The following ZFAND3 variants were observed in gnomAD, a reference collection of about 807,000 sequenced individuals.
ZFAND3 encodes the protein AN1-type zinc finger protein 3.
In ZFAND3, 10 loss-of-function variants were observed where a neutral mutation model predicts 29.6. The ratio of observed to expected loss-of-function variants is 0.34; its 90% CI spans 0.21 to 0.57. The LOEUF (loss-of-function observed/expected upper bound fraction) is 0.57, where lower values mean the gene tolerates loss of function less well. Ranked by LOEUF, ZFAND3 falls within the 20% of genes least tolerant of loss-of-function variation. ZFAND3 has a pLI of 0.86. For synonymous variants in ZFAND3, 128 were observed against 112.6 expected (o/e 1.14, Z -0.87); for missense variants, 230 against 304.5 (o/e 0.76, Z 1.82).
chr6:37,835,540 T>C (rs992077180), intron 1 of ZFAND3, among the ~76,000 whole-genome samples: 3 of 151,900 alleles, frequency 2.0e-5, no homozygotes, highest in Non-Finnish European at 4.4e-5. Flanking sequence ...TGTATGGTTT[T>C]GTATTATTTT....
intron 1 of ZFAND3, among the ~76,000 whole-genome samples, chr6:37,866,022 T>TCAC (rs748639215): frequency 6.6e-6 from 1 of 152,146 alleles, no homozygotes; most frequent in Non-Finnish European, 1.5e-5. Flanking sequence ...GATGGAGGTC[T>TCAC]CACTATATTG....
intron 5 of ZFAND3, among the ~76,000 whole-genome samples, chr6:38,144,282 T>C (rs1263359592): frequency 6.7e-6 from 1 of 149,534 alleles, no homozygotes; most frequent in East Asian, 2.0e-4. Context: ...GGGTCGGGGA[T>C]ATTTGTCATT....
intron 1 of ZFAND3, among the ~76,000 whole-genome samples, chr6:37,902,160 G>A: frequency 6.6e-6 from 1 of 152,084 alleles, no homozygotes; most frequent in Non-Finnish European, 1.5e-5. Flanking sequence ...GAATATAATA[G>A]CATTATGGCC....
At chr6:38,048,003 T>G (rs558991678) in intron 2 of ZFAND3, among the ~76,000 whole-genome samples, 29 of 151,328 alleles carry the variant, frequency 1.9e-4, no homozygotes, top group South Asian at 6.3e-4. Flanking sequence ...TTGTGTGTGT[T>G]TGTTTATTTA....
At position 37,828,094 on chromosome 6, in the gene ZFAND3, C is replaced by T. The variant is rs997733417; in HGVS notation, c.71+8078C>T. ...TATCTGCTTCTTGGACTCTTACACA[C>T]TGATAAGTTGAAGTGCAGTTGCATA... On this transcript the variant is annotated intron_variant, in intron 1 of 5. Coordinates refer to ENST00000287218, the MANE Select transcript of ZFAND3 (RefSeq NM_021943.3). Among the ~76,000 whole-genome samples the T allele has an allele frequency of 3.9e-5, 6 of 152,196 alleles. No homozygotes were observed. The East Asian group carries it at 9.6e-4, about 24-fold the overall frequency.
chr6:38,056,426 A>C (rs1202292358), intron 2 of ZFAND3, among the ~76,000 whole-genome samples: 1 of 152,234 alleles, frequency 6.6e-6, no homozygotes, highest in African/African-American at 2.4e-5. Flanking sequence ...AAGACGTATT[A>C]TTGTAATAAT....
chr6:37,950,107 A>G (rs1005528847), intron 2 of ZFAND3, among the ~76,000 whole-genome samples: 5 of 152,282 alleles, frequency 3.3e-5, no homozygotes, highest in Admixed American at 3.3e-4. Flanking sequence ...TTTGATGTGC[A>G]GTCTGTTGAT....
intron 2 of ZFAND3, chr6:38,003,673 G>GTTTT (rs146304338): frequency 1.4e-4 from 39 of 280,822 alleles, no homozygotes; most frequent in South Asian, 1.9e-4. Flanking sequence ...TAATTTTTGT[G>GTTTT]TTTTTTTTTT....
At chr6:38,017,486 C>T (rs139271514) in intron 2 of ZFAND3, among the ~76,000 whole-genome samples, 191 of 152,324 alleles carry the variant, frequency 1.3e-3, no homozygotes, top group South Asian at 4.1e-3. Flanking sequence ...AAATCTTGAT[C>T]TGCTTAGTTC....
intron 5 of ZFAND3, among the ~76,000 whole-genome samples, chr6:38,135,194 C>T (rs1296293722): frequency 6.6e-6 from 1 of 152,166 alleles, no homozygotes; most frequent in Non-Finnish European, 1.5e-5. Flanking sequence ...TGAGAGGTGA[C>T]ACTCTTAACT....
chr6:38,038,711 T>G (rs1479234735), intron 2 of ZFAND3, among the ~76,000 whole-genome samples: 2 of 152,182 alleles, frequency 1.3e-5, no homozygotes, highest in Admixed American at 6.5e-5. Context: ...ACCTCTACCT[T>G]TTCATGGTCA....
Position 37,857,471 on chromosome 6 carries a change from AT to A in ZFAND3, c.71+37457del, listed in dbSNP as rs551772084. 2.3e-4 allele frequency among the ~76,000 whole-genome samples: 35 copies of A among 152,292 alleles called. No homozygotes were observed. The East Asian group carries it at 6.6e-3, about 29-fold the overall frequency. On this transcript the variant is annotated intron_variant, in intron 1 of 5. Transcript: ENST00000287218. Reference sequence around the variant, plus strand: ...GTATCTATTTTTAAAGAAAAAAAAAATTAGAGGCCCAGCAAATTTCAAATAC... The same window carrying A: ...GTATCTATTTTTAAAGAAAAAAAAAATAGAGGCCCAGCAAATTTCAAATAC...
chr6:38,069,251 A>T (rs188050329), intron 3 of ZFAND3, among the ~76,000 whole-genome samples: 363 of 152,348 alleles, frequency 2.4e-3, no homozygotes, highest in Middle Eastern at 0.024. Flanking sequence ...AGCATTTAGA[A>T]AATATTGCCT....
chr6:38,066,604 G>A (rs750294733), intron 3 of ZFAND3, among the ~76,000 whole-genome samples: 19 of 152,132 alleles, frequency 1.2e-4, no homozygotes, highest in Non-Finnish European at 2.6e-4. Context: ...TTTGTTTGGG[G>A]CTTGTGGAAG....
At chr6:38,133,911 C>T (rs1765791738) in intron 5 of ZFAND3, among the ~76,000 whole-genome samples, 1 of 152,092 alleles carries the variant, frequency 6.6e-6, no homozygotes, top group Non-Finnish European at 1.5e-5. Context: ...CCAAGCTGGC[C>T]CATGGGGTCC....
At position 38,153,285 on chromosome 6, in the gene ZFAND3, C is replaced by T; in HGVS notation, c.*896C>T. The T allele has an allele frequency of 2.0e-6, 2 of 985,512 alleles. No individual in the cohort carries two copies. The highest frequency in any genetic ancestry group is 2.4e-6 in the Non-Finnish European group (2 of 829,966). The allele number at this position is 985,512 out of a possible 1,614,324, so 61.0% of individuals were successfully genotyped here. The stretch of plus-strand genomic sequence containing the variant: ...TTGGGAGTTTTTTAAAAAGACATTT[C>T]ATAGCCAACAAGAATCAGTAGAAGT... On this transcript the variant is annotated 3_prime_UTR_variant, in exon 6 of 6. Transcript: ENST00000287218.
At chr6:37,869,288 C>T (rs1168642153) in intron 1 of ZFAND3, among the ~76,000 whole-genome samples, 3 of 152,010 alleles carry the variant, frequency 2.0e-5, no homozygotes, top group East Asian at 1.9e-4. Flanking sequence ...CTCAGCCTCC[C>T]GAGTAGCTGG....
intron 2 of ZFAND3, among the ~76,000 whole-genome samples, chr6:37,974,900 C>G (rs1484560042): frequency 6.6e-6 from 1 of 152,188 alleles, no homozygotes. Flanking sequence ...CCTCCTACCT[C>G]AGCCTCCCAA....
intron 4 of ZFAND3, among the ~76,000 whole-genome samples, chr6:38,114,367 T>C (rs749558609): frequency 1.4e-4 from 21 of 152,232 alleles, no homozygotes; most frequent in South Asian, 6.2e-4. Flanking sequence ...TTGTTGCTCT[T>C]GTAGAAGAAG....
Sources: allele counts gnomAD v4.1 joint callset (sites outside exome capture counted in the v4.1 genomes callset), GRCh38; gene constraint gnomAD v4.1.1; transcripts MANE v1.5; gene names NCBI Gene and HGNC (gene_info 2026-07-23, HGNC 2026-07-21).